Variants in CCDC171 observed in about 807,000 individuals in gnomAD.
CCDC171 encodes the protein coiled-coil domain-containing protein 171.
A neutral mutation model predicts 168.2 loss-of-function variants in CCDC171; 177 were observed. The ratio of observed to expected loss-of-function variants is 1.05; its 90% CI spans 0.93 to 1.19. The LOEUF (loss-of-function observed/expected upper bound fraction) is 1.19, where lower values mean the gene tolerates loss of function less well. Among genes scored for constraint, CCDC171 ranks in the 50% most tolerant of loss-of-function variants. The pLI is 0.00. For missense variants in CCDC171, 1,991 were observed against 1,539.0 expected (o/e 1.29, Z -4.91); for synonymous variants, 687 against 540.8 (o/e 1.27, Z -3.75).
chr9:15,570,790 T>C (rs1057115373), intron 2 of CCDC171, among the ~76,000 whole-genome samples: 4 of 152,226 alleles, frequency 2.6e-5, no homozygotes, highest in East Asian at 1.9e-4. Context: ...TCTTTCCTTA[T>C]ATAACTTTTA....
At chr9:15,907,352 T>C (rs199505769) in intron 24 of CCDC171, among the ~76,000 whole-genome samples, 1 of 152,104 alleles carries the variant, frequency 6.6e-6, no homozygotes, top group African/African-American at 2.4e-5. Flanking sequence ...GAAATAATGC[T>C]GCATATCTAC....
At chr9:15,863,487 T>G (rs761490961) in intron 23 of CCDC171, among the ~76,000 whole-genome samples, 21 of 152,010 alleles carry the variant, frequency 1.4e-4, no homozygotes, top group Non-Finnish European at 2.6e-4. Flanking sequence ...CAAACAGAAT[T>G]CTTGGTTGAC....
At chr9:15,690,931 A>C (rs1425410816) in intron 10 of CCDC171, among the ~76,000 whole-genome samples, 1 of 152,192 alleles carries the variant, frequency 6.6e-6, no homozygotes, top group East Asian at 1.9e-4. Context: ...CACATTAAAT[A>C]AGTTGATAAT....
Position 15,848,899 on chromosome 9 carries a change from A to G in CCDC171, c.3420A>G (p.Lys1140=). Residue 1140 remains lysine, a synonymous_variant, in exon 23 of 26, where the codon AAA becomes AAG. Transcript: ENST00000380701. ...ESALRMAAKD[K]ECVANHMRAV... is the part of the protein sequence containing the mutation. ...AATCTTTTATTTTTTCTAGAGACAA[A>G]GAATGTGTTGCTAATCACATGAGAG... The G allele has an allele frequency of 7.7e-6, 12 of 1,560,682 alleles. No individual in the cohort carries two copies. The highest frequency in any genetic ancestry group is 1.0e-5 in the Non-Finnish European group (12 of 1,147,150).
At chr9:15,646,432 C>G (rs543674796) in intron 7 of CCDC171, among the ~76,000 whole-genome samples, 1 of 152,274 alleles carries the variant, frequency 6.6e-6, no homozygotes, top group Non-Finnish European at 1.5e-5. Context: ...GGGCTAAATG[C>G]TCCAATTAAA....
chr9:15,563,066 C>G (rs1294637397), intron 1 of CCDC171, among the ~76,000 whole-genome samples: 2 of 151,142 alleles, frequency 1.3e-5, no homozygotes, highest in East Asian at 3.9e-4. Context: ...TTAGAAAGAA[C>G]TTGAACTTCA....
chr9:15,563,990 C>A lies in CCDC171; in HGVS notation c.-99C>A, dbSNP rs1439193103. ...ACTATTTTAACAGACCTCAAATCAT[C>A]TAACGTGAAGCCACAGACATCTTGG... On this transcript the variant is annotated 5_prime_UTR_variant, in exon 2 of 26. Coordinates refer to ENST00000380701, the MANE Select transcript of CCDC171 (RefSeq NM_173550.4). The A allele has an allele frequency of 1.5e-5, 13 of 862,510 alleles. No homozygotes were observed. The Admixed American group carries it at 2.8e-4, about 19-fold the overall frequency. 53.4% of individuals were successfully genotyped at this position (862,510 alleles called of 1,614,324 possible).
intron 7 of CCDC171, among the ~76,000 whole-genome samples, chr9:15,643,614 A>G (rs964435010): frequency 2.6e-5 from 4 of 152,210 alleles, no homozygotes; most frequent in Non-Finnish European, 4.4e-5. Flanking sequence ...ATACAATTCA[A>G]TGCTTTTAAT....
intron 7 of CCDC171, among the ~76,000 whole-genome samples, chr9:15,642,366 T>TAA (rs1484053310): frequency 8.3e-5 from 4 of 48,200 alleles, no homozygotes; most frequent in African/African-American, 1.8e-4. Context: ...TATATATATA[T>TAA]ATATATATAT....
chr9:15,677,907 T>C (rs1245138840), intron 9 of CCDC171, among the ~76,000 whole-genome samples: 1 of 24,572 alleles, frequency 4.1e-5, no homozygotes, highest in Non-Finnish European at 6.7e-5. Flanking sequence ...TATATATATA[T>C]ATATATATAT....
At chr9:15,773,225 C>T (rs540925528) in intron 18 of CCDC171, among the ~76,000 whole-genome samples, 52 of 152,204 alleles carry the variant, frequency 3.4e-4, no homozygotes, top group African/African-American at 1.2e-3. Flanking sequence ...TTTCAAGGGA[C>T]TTTTAATTTG....
At chr9:15,639,470 ATATTTCT>A (rs1252581099) in intron 7 of CCDC171, among the ~76,000 whole-genome samples, 1 of 151,974 alleles carries the variant, frequency 6.6e-6, no homozygotes, top group African/African-American at 2.4e-5. Context: ...TCTGTTCCTG[ATATTTCT>A]TATTTTTATT....
At chr9:16,057,455 T>A (rs1833858859) in intron 1 of CCDC171, among the ~76,000 whole-genome samples, 1 of 152,212 alleles carries the variant, frequency 6.6e-6, no homozygotes, top group Admixed American at 6.5e-5. Flanking sequence ...TTGTTTTGTT[T>A]TGTTTTTTTG....
chr9:15,763,478 C>G (rs1468807588), intron 18 of CCDC171, among the ~76,000 whole-genome samples: 1 of 152,136 alleles, frequency 6.6e-6, no homozygotes, highest in African/African-American at 2.4e-5. Context: ...CCAGAGTTAG[C>G]ATAAACTATC....
At chr9:15,739,505 C>G (rs537484329) in intron 16 of CCDC171, among the ~76,000 whole-genome samples, 1 of 152,040 alleles carries the variant, frequency 6.6e-6, no homozygotes, top group Non-Finnish European at 1.5e-5. Flanking sequence ...TGTAACTTCT[C>G]TAAACCTCAA....
At chr9:15,793,080 C>T (rs1479913246) in intron 21 of CCDC171, among the ~76,000 whole-genome samples, 14 of 152,004 alleles carry the variant, frequency 9.2e-5, no homozygotes, top group African/African-American at 3.1e-4. Context: ...AGGAAACCCA[C>T]CTCACGTGCA....
intron 18 of CCDC171, among the ~76,000 whole-genome samples, chr9:15,748,618 G>T (rs186772743): frequency 6.6e-6 from 1 of 152,280 alleles, no homozygotes; most frequent in South Asian, 2.1e-4. Flanking sequence ...GACTAACAGC[G>T]GATCTCTTAG....
intron 24 of CCDC171, among the ~76,000 whole-genome samples, chr9:15,894,618 G>A (rs548195064): frequency 3.6e-4 from 55 of 152,020 alleles, no homozygotes; most frequent in African/African-American, 1.3e-3. Flanking sequence ...CTGAACTATA[G>A]TGACACTGAC....
chr9:16,078,124 T>C, the CCDC171 span, among the ~76,000 whole-genome samples: 1 of 151,740 alleles, frequency 6.6e-6, no homozygotes, highest in East Asian at 1.9e-4. Context: ...GATATGTTAA[T>C]TGGCTTGATT....
Sources: gnomAD v4.1 joint callset for allele counts (sites outside exome capture counted in the v4.1 genomes callset) on GRCh38, gnomAD v4.1.1 for gene constraint, MANE v1.5 for transcripts, NCBI Gene and HGNC (gene_info 2026-07-23, HGNC 2026-07-21) for gene names.